The following EML6 variants were observed in gnomAD, a reference collection of about 807,000 sequenced individuals.
EML6 encodes the protein EMAP like 6.
In EML6, 154 loss-of-function variants were observed where a neutral mutation model predicts 240.1. The ratio of observed to expected loss-of-function variants is 0.64; its 90% CI spans 0.56 to 0.73. The LOEUF (loss-of-function observed/expected upper bound fraction) is 0.73, where lower values mean the gene tolerates loss of function less well. EML6 is among the 30% of genes least tolerant of loss of function. The pLI, the probability that EML6 is intolerant of heterozygous loss-of-function variation, is 0.00. For synonymous variants in EML6, 1,148 were observed against 899.0 expected (o/e 1.28, Z -4.95); for missense variants, 2,964 against 2,474.6 (o/e 1.20, Z -4.20).
chr2:54,770,298 G>A (rs1186395082), intron 2 of EML6, among the ~76,000 whole-genome samples: 1 of 152,162 alleles, frequency 6.6e-6, no homozygotes, highest in Non-Finnish European at 1.5e-5. Context: ...TGGGACAACA[G>A]GTGTAAGCTG....
intron 2 of EML6, among the ~76,000 whole-genome samples, chr2:54,784,134 G>A (rs530272723): frequency 1.3e-5 from 2 of 151,968 alleles, no homozygotes; most frequent in South Asian, 4.2e-4. Context: ...TTGTAGAGAT[G>A]GGGATCTTGC....
chr2:54,916,613 G>A (rs1673921651), intron 25 of EML6, 146 bp from the exon 26 acceptor site: 1 of 519,324 alleles, frequency 1.9e-6, no homozygotes, highest in Admixed American at 3.4e-5. Context: ...CTTTAAATAT[G>A]CAACTTAGAA....
chr2:54,789,240 G>A (rs1221068331), intron 2 of EML6, among the ~76,000 whole-genome samples: 3 of 152,060 alleles, frequency 2.0e-5, no homozygotes, highest in South Asian at 2.1e-4. Context: ...CCGGCCGGGC[G>A]CGGTGGCTCA....
At chr2:54,931,218 A>T (rs867094285) in intron 28 of EML6, among the ~76,000 whole-genome samples, 5 of 151,882 alleles carry the variant, frequency 3.3e-5, no homozygotes, top group Middle Eastern at 3.5e-3. Flanking sequence ...CGGCCTCCCA[A>T]AGTGCTGGGA....
chr2:54,858,546 C>G (rs556483149), intron 11 of EML6, among the ~76,000 whole-genome samples: 2 of 152,274 alleles, frequency 1.3e-5, no homozygotes, highest in East Asian at 1.9e-4. Flanking sequence ...GACTTTATTA[C>G]GAAACTGATT....
At chr2:54,942,897 C>A (rs1382334706) in intron 28 of EML6, among the ~76,000 whole-genome samples, 1 of 152,198 alleles carries the variant, frequency 6.6e-6, no homozygotes, top group Non-Finnish European at 1.5e-5. Context: ...TTCCTGGCCT[C>A]ACTTTTTGTG....
chr2:54,827,992 T>G lies in EML6; in HGVS notation c.711+241T>G, dbSNP rs76631053. On this transcript the variant is annotated intron_variant, in intron 6 of 41. Coordinates refer to ENST00000356458, the MANE Select transcript of EML6 (RefSeq NM_001039753.4). ...TTGATTTATGTCATCCACAGTAGTT[T>G]GACAGAACACTAGAACTAGCTCATC... Among the ~76,000 whole-genome samples the G allele has an allele frequency of 7.7e-3, 1,179 of 152,356 alleles. 7 individuals carry two copies. The highest frequency in any genetic ancestry group is 0.012 in the Non-Finnish European group (836 of 68,044).
intron 7 of EML6, among the ~76,000 whole-genome samples, chr2:54,841,219 C>T (rs146053334): frequency 1.5e-4 from 23 of 152,352 alleles, no homozygotes; most frequent in Non-Finnish European, 3.2e-4. Flanking sequence ...CTGTCCTTCC[C>T]ATCCTTGAAA....
chr2:54,891,117 A>T lies in EML6; in HGVS notation c.2502A>T (p.Thr834=). The T allele has an allele frequency of 6.6e-7, 1 of 1,506,064 alleles. No individual in the cohort carries two copies. 93.3% of individuals were successfully genotyped at this position (1,506,064 alleles called of 1,614,324 possible). Residue 834 remains threonine (T), a synonymous_variant, in exon 18 of 42, where the codon ACA becomes ACT. Transcript: ENST00000356458. ...CACACCATGTTGACAAACTGGTTACAGTTGGGATAAAACACATCAAATTCT... is the reference window on the plus strand; with the variant it reads ...CACACCATGTTGACAAACTGGTTACTGTTGGGATAAAACACATCAAATTCT... The part of the protein sequence containing the change: ...CNPHHVDKLV[T]VGIKHIKFWQ...
In EML6 at chr2:54,868,828, T is replaced by C. The variant is rs113999657; in HGVS notation, c.2052-353T>C. On this transcript the variant is annotated intron_variant, in intron 14 of 41. Coordinates refer to ENST00000356458, the MANE Select transcript of EML6 (RefSeq NM_001039753.4). ...TAGGATTCCAGATGGAGGAGAGGAA[T>C]GGCTTTCTGCAGTGGGCGGAAGGCA... 959 of 199,732 alleles carry C rather than the reference T, an allele frequency of 4.8e-3. 11 individuals are homozygous for C. Among genetic ancestry groups the C allele is most frequent in the African/African-American group, 0.021 (922 of 43,472 alleles). 12.4% of individuals were successfully genotyped at this position (199,732 alleles called of 1,614,324 possible).
intron 2 of EML6, among the ~76,000 whole-genome samples, chr2:54,806,984 A>G (rs1670528804): frequency 6.6e-6 from 1 of 152,196 alleles, no homozygotes; most frequent in Non-Finnish European, 1.5e-5. Flanking sequence ...AACTATGCAT[A>G]CGCATTAATA....
chr2:54,788,372 C>G (rs1336576007), intron 2 of EML6, among the ~76,000 whole-genome samples: 1 of 152,164 alleles, frequency 6.6e-6, no homozygotes, highest in Non-Finnish European at 1.5e-5. Context: ...CAGGGCTGGA[C>G]CCAGGTGAGA....
intron 2 of EML6, among the ~76,000 whole-genome samples, chr2:54,777,967 C>T (rs2103834143): frequency 6.6e-6 from 1 of 152,154 alleles, no homozygotes; most frequent in East Asian, 1.9e-4. Flanking sequence ...AAAATCTAAG[C>T]TTGTAGAGAA....
intron 25 of EML6, among the ~76,000 whole-genome samples, chr2:54,913,944 C>A (rs1673772723): frequency 6.6e-6 from 1 of 152,116 alleles, no homozygotes; most frequent in Non-Finnish European, 1.5e-5. Flanking sequence ...TTTTTGTTGA[C>A]TGTGTCGAAG....
chr2:54,926,138 G>A (rs1474472047), intron 26 of EML6, among the ~76,000 whole-genome samples: 1 of 152,176 alleles, frequency 6.6e-6, no homozygotes, highest in African/African-American at 2.4e-5. Context: ...GAGTCTCACT[G>A]TTGCCAAGGC....
chr2:54,753,644 G>T (rs1453194351), intron 2 of EML6, among the ~76,000 whole-genome samples: 1 of 150,100 alleles, frequency 6.7e-6, no homozygotes, highest in Non-Finnish European at 1.5e-5. Flanking sequence ...AGGGCCCCCA[G>T]TAAGAATGCA....
rs144211188 is a variant in EML6, at chr2:54,794,637, A to T, written c.198-18595A>T. On this transcript the variant is annotated intron_variant, in intron 2 of 41. Coordinates refer to ENST00000356458, the MANE Select transcript of EML6 (RefSeq NM_001039753.4). Reference sequence around the variant, plus strand: ...AACTTATCTTACCAATGGCCCTTGCATAATGCCCCTTTTTCCTTTCAGTGG... The same window carrying T: ...AACTTATCTTACCAATGGCCCTTGCTTAATGCCCCTTTTTCCTTTCAGTGG... 4.9e-3 allele frequency among the ~76,000 whole-genome samples: 739 copies of T among 152,306 alleles called. 6 individuals are homozygous for T. The highest frequency in any genetic ancestry group is 8.7e-3 in the Non-Finnish European group (595 of 68,036).
intron 5 of EML6, among the ~76,000 whole-genome samples, chr2:54,823,594 T>C (rs1668430698): frequency 6.6e-6 from 1 of 152,154 alleles, no homozygotes; most frequent in African/African-American, 2.4e-5. Flanking sequence ...GACTAAAATA[T>C]GAAAATTGTT....
intron 2 of EML6, among the ~76,000 whole-genome samples, chr2:54,767,250 T>C (rs1668219683): frequency 6.6e-6 from 1 of 152,098 alleles, no homozygotes; most frequent in South Asian, 2.1e-4. Context: ...CAGGACAGTT[T>C]GACAAGCCCT....
Sources: allele counts gnomAD v4.1 joint callset (sites outside exome capture counted in the v4.1 genomes callset), GRCh38; gene constraint gnomAD v4.1.1; transcripts MANE v1.5; gene names NCBI Gene and HGNC (gene_info 2026-07-23, HGNC 2026-07-21).